Variants in LATS2 observed in about 807,000 individuals in gnomAD.
LATS2 encodes serine/threonine-protein kinase LATS2.
LATS2 carries 24 observed loss-of-function variants against 76.0 expected under a neutral mutation model. The ratio of observed to expected loss-of-function variants is 0.32; its 90% CI spans 0.23 to 0.44. The LOEUF (loss-of-function observed/expected upper bound fraction) is 0.44, where lower values mean the gene tolerates loss of function less well. LATS2 is among the 20% of genes least tolerant of loss of function. The pLI, the probability that LATS2 is intolerant of heterozygous loss-of-function variation, is 1.00. For missense variants in LATS2, 1,286 were observed against 1,481.2 expected (o/e 0.87, Z 2.16); for synonymous variants, 692 against 635.4 (o/e 1.09, Z -1.34).
rs1457333339 is a variant in LATS2 at position 20,974,404 on chromosome 13, AC to A, written c.*465del. On this transcript the variant is annotated 3_prime_UTR_variant, in exon 8 of 8. Coordinates refer to ENST00000382592, the MANE Select transcript of LATS2 (RefSeq NM_014572.3). ...TTGTGTGGATAAAATGGTCTCCGTGACATTGAGCAGAGTGTTATCTTTTTTT... is the reference window on the plus strand; with the variant it reads ...TTGTGTGGATAAAATGGTCTCCGTGAATTGAGCAGAGTGTTATCTTTTTTT... The A allele has an allele frequency of 1.8e-5, 4 of 228,214 alleles. No homozygotes were observed. The highest frequency in any genetic ancestry group is 3.5e-5 in the Non-Finnish European group (4 of 115,754). 14.1% of individuals were successfully genotyped at this position (228,214 alleles called of 1,614,324 possible).
intron 1 of LATS2, among the ~76,000 whole-genome samples, chr13:21,055,033 T>C (rs1446139619): frequency 1.3e-5 from 2 of 152,252 alleles, no homozygotes; most frequent in Admixed American, 6.5e-5. Flanking sequence ...CTGAGTACTT[T>C]AGAAAGGATG....
intron 6 of LATS2, among the ~76,000 whole-genome samples, chr13:20,980,754 C>G (rs1294209862): frequency 6.6e-6 from 1 of 152,144 alleles, no homozygotes; most frequent in African/African-American, 2.4e-5. Context: ...CCACAGCTAG[C>G]AAAGAAAACC....
chr13:21,024,093 CAAAAAAAAAAA>C (rs748881098), intron 2 of LATS2, among the ~76,000 whole-genome samples: 3 of 79,246 alleles, frequency 3.8e-5, no homozygotes, highest in African/African-American at 1.3e-4. Context: ...TCTCGCTGTG[CAAAAAAAAAAA>C]AAAAAAAAAA....
Position 20,988,203 on chromosome 13 carries a change from C to T in LATS2, c.1577G>A (p.Ser526Asn). Residue 526 changes from serine to asparagine, a missense_variant, in exon 4 of 8, where the codon AGC (serine) becomes AAC (asparagine). Physicochemically the swap from Ser to Asn is conservative, Grantham distance 46 (BLOSUM62 1). Around this residue, in one of 5 missense-constraint regions of LATS2, gnomAD observed 710 missense variants for 660.9 expected, o/e 1.07. Transcript: ENST00000382592. ...PPYPKHLLLRSKSEQYDLDSL... is the reference protein window; with the variant it reads ...PPYPKHLLLRNKSEQYDLDSL... ...GTCCAGGTCGTACTGCTCCGACTTGCTGCGCAGCAGCAGGTGCTTCGGGTA... is the reference window on the plus strand; with the variant it reads ...GTCCAGGTCGTACTGCTCCGACTTGTTGCGCAGCAGCAGGTGCTTCGGGTA... 3.1e-6 allele frequency: 5 copies of T among 1,611,776 alleles called. No individual in the cohort carries two copies. Among genetic ancestry groups the T allele is most frequent in the Non-Finnish European group, 3.4e-6 (4 of 1,179,670 alleles).
Position 21,053,220 on chromosome 13 carries a change from T to A in LATS2, c.-204-6990A>T, listed in dbSNP as rs565624115. On this transcript the variant is annotated intron_variant, in intron 1 of 7. Transcript: ENST00000382592. ...ACTGCACTCCAGCTTGGCAACAGAG[T>A]GAGACTCTGTCTCAAAAAAAAAAAA... Among the ~76,000 whole-genome samples, 294 of 113,276 alleles carry A rather than the reference T, an allele frequency of 2.6e-3. 1 individual carries two copies. The Middle Eastern group carries it at 0.048, about 18-fold the overall frequency. The allele number at this position is 113,276 out of a possible 152,430, so 74.3% of individuals were successfully genotyped here. A position where few individuals can be genotyped will look rare whatever the true frequency, so the allele number is the denominator to read the frequency against.
chr13:20,992,309 C>T (rs1263424339), intron 2 of LATS2, among the ~76,000 whole-genome samples: 2 of 152,196 alleles, frequency 1.3e-5, no homozygotes, highest in African/African-American at 4.8e-5. Context: ...GGTTTTGCTC[C>T]TGTCTGCAGG....
intron 2 of LATS2, among the ~76,000 whole-genome samples, chr13:21,043,826 C>T (rs920190567): frequency 6.6e-6 from 1 of 152,210 alleles, no homozygotes; most frequent in Admixed American, 6.5e-5. Context: ...TTTCTCACAG[C>T]TGAAACACAA....
chr13:20,973,165 G>GT lies in LATS2; in HGVS notation c.*1704dup, dbSNP rs2068229639. On this transcript the variant is annotated 3_prime_UTR_variant, in exon 8 of 8. Transcript: ENST00000382592. ...CCACATGAAAGTATGTCAGAGCGCT[G>GT]TGAGTAACAACATGGCACGACTATA... 1 of 232,554 alleles carries GT rather than the reference G, an allele frequency of 4.3e-6. No homozygotes were observed. The highest frequency in any genetic ancestry group is 1.8e-4 in the South Asian group (1 of 5,524). 14.4% of individuals were successfully genotyped at this position (232,554 alleles called of 1,614,324 possible). A position where few individuals can be genotyped will look rare whatever the true frequency, so the allele number is the denominator to read the frequency against.
rs72062720 is a variant in LATS2, at chr13:20,977,938, CAG to C, written c.2772+1751_2772+1752del. On this transcript the variant is annotated intron_variant, in intron 7 of 7. Transcript: ENST00000382592. ...ATTTCTCTTTTTTCTTTTTTTGAAA[CAG>C]AGTCTCGCTCTGTCATCCAGGTTGG... is the stretch of plus-strand genomic sequence containing the variant. Among the ~76,000 whole-genome samples the C allele has an allele frequency of 9.7e-3, 1,482 of 152,002 alleles. 35 individuals are homozygous for C. The highest frequency in any genetic ancestry group is 0.034 in the African/African-American group (1,401 of 41,450).
In LATS2 at chr13:20,999,501, C is replaced by A. The variant is rs61066490; in HGVS notation, c.343-8097G>T. On this transcript the variant is annotated intron_variant, in intron 2 of 7. Coordinates refer to ENST00000382592, the MANE Select transcript of LATS2 (RefSeq NM_014572.3). ...TTTCTTTTTTTTTGACAGGGTCTTG[C>A]TCTGTCACCCATGCTGGAGTACAGT... Among the ~76,000 whole-genome samples the A allele has an allele frequency of 3.2e-3, 486 of 152,148 alleles. 1 individual carries two copies. The highest frequency in any genetic ancestry group is 0.011 in the African/African-American group (473 of 41,508).
At chr13:21,053,106 G>A (rs1032074690) in intron 1 of LATS2, among the ~76,000 whole-genome samples, 1 of 151,742 alleles carries the variant, frequency 6.6e-6, no homozygotes, top group Non-Finnish European at 1.5e-5. Context: ...GTGGTGGCAC[G>A]CACCTATAGT....
intron 2 of LATS2, among the ~76,000 whole-genome samples, chr13:21,034,326 T>C (rs183061810): frequency 2.8e-4 from 42 of 152,292 alleles, no homozygotes; most frequent in African/African-American, 9.6e-4. Context: ...TTACTGACAG[T>C]GCCCAGTTGC....
At chr13:21,058,476 A>C (rs924058395) in intron 1 of LATS2, among the ~76,000 whole-genome samples, 10 of 152,244 alleles carry the variant, frequency 6.6e-5, no homozygotes, top group African/African-American at 2.4e-4. Flanking sequence ...TTTACAACAT[A>C]GCATTTAAAA....
Position 20,979,686 on chromosome 13 carries a change from A to G in LATS2, c.2772+5T>C. 1 of 1,570,978 alleles carries G rather than the reference A, an allele frequency of 6.4e-7. No homozygotes were observed. Among genetic ancestry groups the G allele is most frequent in the Non-Finnish European group, 8.8e-7 (1 of 1,141,256 alleles). ...CAAGCAGATGCGTGGTTCCTCTCAC[A>G]TTACCTTCAGCTGGGTTTCTGTGGG... On this transcript the variant is annotated splice_donor_5th_base_variant and intron_variant, in intron 7 of 7. Coordinates refer to ENST00000382592, the MANE Select transcript of LATS2 (RefSeq NM_014572.3).
At chr13:20,999,821 C>G (rs1168199440) in intron 2 of LATS2, among the ~76,000 whole-genome samples, 1 of 148,574 alleles carries the variant, frequency 6.7e-6, no homozygotes, top group African/African-American at 2.5e-5. Context: ...ATCACGAGAC[C>G]AGCCTGGACA....
intron 2 of LATS2, among the ~76,000 whole-genome samples, chr13:21,006,290 A>C (rs1425116843): frequency 6.6e-6 from 1 of 151,814 alleles, no homozygotes; most frequent in African/African-American, 2.4e-5. Context: ...TGAGCAGAGA[A>C]AGAAGACCAG....
chr13:21,060,374 C>T (rs1276232047), intron 1 of LATS2, among the ~76,000 whole-genome samples: 6 of 152,244 alleles, frequency 3.9e-5, no homozygotes, highest in Admixed American at 3.9e-4. Context: ...AAGCCAAACC[C>T]CCCACACGTC....
Position 20,988,645 on chromosome 13 carries a change from C to A in LATS2, c.1135G>T (p.Asp379Tyr). 1 of 1,582,706 alleles carries A rather than the reference C, an allele frequency of 6.3e-7. No homozygotes were observed. Among genetic ancestry groups the A allele is most frequent in the East Asian group, 2.3e-5 (1 of 44,272 alleles). ...TCCAGGCCCGGCTTCTGCAGGGAGT[C>A]CCGGCGGGCCAGGGTGGCAGCCGGC... ...QWPAATLARR[D>Y]SLQKPGLEAP... Residue 379 changes from aspartate to tyrosine, a missense_variant, in exon 4 of 8, where the codon GAC becomes TAC. Asp to Tyr is a radical substitution (Grantham distance 160, BLOSUM62 -3). Transcript: ENST00000382592.
At chr13:21,056,469 C>G (rs1873454123) in intron 1 of LATS2, among the ~76,000 whole-genome samples, 1 of 152,166 alleles carries the variant, frequency 6.6e-6, no homozygotes, top group Non-Finnish European at 1.5e-5. Context: ...AAAAATTGAG[C>G]TACAGAAGTC....
Sources: gnomAD v4.1 joint callset for allele counts (sites outside exome capture counted in the v4.1 genomes callset) on GRCh38, gnomAD v4.1.1 for gene constraint, gnomAD v4.1.1 regional missense constraint, MANE v1.5 for transcripts, NCBI Gene and HGNC (gene_info 2026-07-23, HGNC 2026-07-21) for gene names.